The following CCN6 variants were observed in gnomAD, a reference collection of about 807,000 sequenced individuals.
CCN6 encodes cellular communication network factor 6.
CCN6 carries 31 observed loss-of-function variants against 37.4 expected under a neutral mutation model. The ratio of observed to expected loss-of-function variants is 0.83; its 90% confidence interval spans 0.62 to 1.12. CCN6 has a LOEUF of 1.12. Among genes scored for constraint, CCN6 ranks in the 50% most tolerant of loss-of-function variants. The pLI, the probability that CCN6 is intolerant of heterozygous loss-of-function variation, is 0.00. For synonymous variants in CCN6, 137 were observed against 142.1 expected (o/e 0.96, Z 0.26); for missense variants, 369 against 413.8 (o/e 0.89, Z 0.94).
intron 1 of CCN6, among the ~76,000 whole-genome samples, chr6:112,058,727 T>C (rs1776421318): frequency 6.6e-6 from 1 of 152,250 alleles, no homozygotes; most frequent in African/African-American, 2.4e-5. Flanking sequence ...TTTAACTTTC[T>C]GGAACCTAAT....
intron 4 of CCN6, among the ~76,000 whole-genome samples, chr6:112,069,021 TAA>T (rs1239260317): frequency 6.6e-6 from 1 of 152,206 alleles, no homozygotes; most frequent in East Asian, 1.9e-4. Context: ...TGGAATTTGC[TAA>T]GTCTTAGATA....
At position 112,069,565 on chromosome 6, in the gene CCN6, G is replaced by C. The variant is rs781986930; in HGVS notation, c.1010G>C (p.Cys337Ser). 1 of 1,613,728 alleles carries C rather than the reference G, an allele frequency of 6.2e-7. No homozygotes were observed. The highest frequency in any genetic ancestry group is 8.5e-7 in the Non-Finnish European group (1 of 1,179,806). Residue 337 changes from cysteine to serine, a missense_variant, in exon 5 of 5, where the codon TGT (cysteine) becomes TCT (serine). Physicochemically the swap from Cys to Ser is moderately radical, Grantham distance 112. Coordinates refer to ENST00000368666, the MANE Select transcript of CCN6 (RefSeq NM_198239.2). The stretch of plus-strand genomic sequence containing the variant: ...ATGCTGTGGATTACATCTTGTGTGT[G>C]TCAGAGAAACTGCAGAGAACCTGGA... ...WKMLWITSCV[C>S]QRNCREPGDI...
In CCN6 at chr6:112,064,853, G is replaced by T. The variant is rs1554313581; in HGVS notation, c.445G>T (p.Ala149Ser). 2 of 1,614,100 alleles carry T rather than the reference G, an allele frequency of 1.2e-6. No homozygotes were observed. Among genetic ancestry groups the T allele is most frequent in the Non-Finnish European group, 1.7e-6 (2 of 1,179,968 alleles). ...GTTCAGCTGCCTCTGTGTGAGTGGG[G>T]CCATTGGATGCACACCTCTGTTCAT... The part of the protein sequence containing the change: ...PLFSCLCVSG[A>S]IGCTPLFIPK... The change falls in exon 3 of 5, where the codon GCC becomes TCC. Residue 149 changes from alanine to serine, a missense_variant. By Grantham distance (99) the Ala-to-Ser change is moderately conservative (BLOSUM62 1). Coordinates refer to ENST00000368666, the MANE Select transcript of CCN6 (RefSeq NM_198239.2).
chr6:112,064,880 C>A lies in CCN6; in HGVS notation c.472C>A (p.Pro158Thr), dbSNP rs782708785. 4 of 1,614,086 alleles carry A rather than the reference C, an allele frequency of 2.5e-6. No homozygotes were observed. The highest frequency in any genetic ancestry group is 3.4e-6 in the Non-Finnish European group (4 of 1,179,966). ...GAIGCTPLFI[P>T]KLAGSHCSGA... The stretch of plus-strand genomic sequence containing the variant: ...CATTGGATGCACACCTCTGTTCATA[C>A]CAAAGCTGGCTGGCAGTCACTGCTC... The change falls in exon 3 of 5, where the codon CCA becomes ACA. Residue 158 changes from proline (P) to threonine (T), a missense_variant. Physicochemically the swap from Pro to Thr is conservative, Grantham distance 38. Transcript: ENST00000368666.
At chr6:112,054,032 G>A (rs943260952), upstream of CCN6, 7 of 521,510 alleles carry the variant, frequency 1.3e-5, no homozygotes, top group Non-Finnish European at 1.8e-5. Context: ...CCAGGAACAG[G>A]TAACACAGTC....
chr6:112,060,027 G>A (rs782295587), intron 1 of CCN6: 1 of 1,366,278 alleles, frequency 7.3e-7, no homozygotes, highest in Non-Finnish European at 9.8e-7. Context: ...AGATATCTAG[G>A]GGCAGAGTGT....
intron 2 of CCN6, 53 bp from the exon 3 acceptor site, chr6:112,064,702 A>G (rs1776624469): frequency 1.2e-6 from 2 of 1,612,752 alleles, no homozygotes; most frequent in Non-Finnish European, 8.5e-7. Context: ...TTGGAGGTCT[A>G]GACTATCACA....
At chr6:112,062,347 G>T (rs62414958) in intron 2 of CCN6, among the ~76,000 whole-genome samples, 4,351 of 152,256 alleles carry the variant, frequency 0.029, 76 homozygotes, top group Non-Finnish European at 0.046. Context: ...AAACAAAGTG[G>T]CATTCAGGAC....
Position 112,068,160 on chromosome 6 carries a change from G to C in CCN6, c.590-45G>C, listed in dbSNP as rs1258098238. ...GATTAAAAATTATCTATTTATACAA[G>C]TACATTTATATGTATACATATGTAC... On this transcript the variant is annotated intron_variant, in intron 3 of 4. Coordinates refer to ENST00000368666, the MANE Select transcript of CCN6 (RefSeq NM_198239.2). 7.2e-6 allele frequency: 10 copies of C among 1,395,590 alleles called. No homozygotes were observed. The East Asian group carries it at 2.5e-4, about 34-fold the overall frequency. The allele number at this position is 1,395,590 out of a possible 1,614,324, so 86.5% of individuals were successfully genotyped here.
intron 3 of CCN6, among the ~76,000 whole-genome samples, chr6:112,066,464 A>C (rs184098364): frequency 1.3e-5 from 2 of 152,162 alleles, no homozygotes; most frequent in African/African-American, 4.8e-5. Context: ...ATTCACTTTG[A>C]CCTTGGTTGG....
rs587656947 is a variant in CCN6 at position 112,066,799 on chromosome 6, C to A, written c.590-1406C>A. On this transcript the variant is annotated intron_variant, in intron 3 of 4. Coordinates refer to ENST00000368666, the MANE Select transcript of CCN6 (RefSeq NM_198239.2). Reference sequence around the variant, plus strand: ...TGACATAATGCCCTCATGCTTTTTTCAATGCCCTCATGCTTTTTTCAATGC... The same window carrying A: ...TGACATAATGCCCTCATGCTTTTTTAAATGCCCTCATGCTTTTTTCAATGC... 2.2e-4 allele frequency among the ~76,000 whole-genome samples: 33 copies of A among 149,876 alleles called. No homozygotes were observed. The East Asian group carries it at 6.4e-3, about 29-fold the overall frequency.
chr6:112,067,088 C>T (rs1776720036), intron 3 of CCN6: 6 of 1,276,596 alleles, frequency 4.7e-6, no homozygotes, highest in Non-Finnish European at 6.4e-6. Context: ...GCAAGAGACT[C>T]TACTGTCATA....
At chr6:112,065,124 T>C (rs1394227210) in intron 3 of CCN6, 127 bp downstream of exon 3, 10 of 1,437,910 alleles carry the variant, frequency 7.0e-6, no homozygotes, top group Non-Finnish European at 9.7e-6. Flanking sequence ...AGTTTGAGTG[T>C]ATCATTTTAC....
intron 1 of CCN6, among the ~76,000 whole-genome samples, chr6:112,055,866 A>G (rs1208595456): frequency 6.6e-6 from 1 of 152,178 alleles, no homozygotes; most frequent in Non-Finnish European, 1.5e-5. Context: ...TTGGGATTAC[A>G]GGTGTGAGCC....
At chr6:112,069,134 C>T (rs1349470986) in intron 4 of CCN6, among the ~76,000 whole-genome samples, 5 of 151,952 alleles carry the variant, frequency 3.3e-5, no homozygotes, top group South Asian at 2.1e-4. Flanking sequence ...TTGAGGAGTA[C>T]GTGCTATAAT....
intron 2 of CCN6, 137 bp from the exon 3 acceptor site, chr6:112,064,618 G>T (rs913461005): frequency 7.3e-7 from 1 of 1,373,294 alleles, no homozygotes; most frequent in South Asian, 1.2e-5. Flanking sequence ...TGTGAAGGAG[G>T]TTCCAAATGG....
chr6:112,069,455 G>A lies in CCN6; in HGVS notation c.900G>A (p.Leu300=). Residue 300 remains leucine, a synonymous_variant, in exon 5 of 5, where the codon TTG becomes TTA. Coordinates refer to ENST00000368666, the MANE Select transcript of CCN6 (RefSeq NM_198239.2). ...AACCCACTTTTTGTGGAATATGCTTGGATAAGAGATGCTGTATCCCTAATA... is the reference window on the plus strand; with the variant it reads ...AACCCACTTTTTGTGGAATATGCTTAGATAAGAGATGCTGTATCCCTAATA... ...SYKPTFCGIC[L]DKRCCIPNKS... The A allele has an allele frequency of 6.2e-7, 1 of 1,613,676 alleles. No homozygotes were observed. Among genetic ancestry groups the A allele is most frequent in the South Asian group, 1.1e-5 (1 of 91,066 alleles).
chr6:112,053,191 C>T (rs186259254), upstream of CCN6, among the ~76,000 whole-genome samples: 91 of 152,150 alleles, frequency 6.0e-4, no homozygotes, highest in Middle Eastern at 0.014. Flanking sequence ...CATGGAGAAG[C>T]GAAGGTCCCA....
chr6:112,057,081 G>A (rs1776369339), intron 1 of CCN6, among the ~76,000 whole-genome samples: 1 of 152,180 alleles, frequency 6.6e-6, no homozygotes. Context: ...AAGTTAAAGA[G>A]GCATCCGGGG....
Sources: allele counts gnomAD v4.1 joint callset (sites outside exome capture counted in the v4.1 genomes callset), GRCh38; gene constraint gnomAD v4.1.1; transcripts MANE v1.5; gene names NCBI Gene and HGNC (gene_info 2026-07-23, HGNC 2026-07-21).